The following ROBO2 variants were observed in gnomAD, a reference collection of about 807,000 sequenced individuals.
ROBO2 encodes the protein roundabout homolog 2.
In ROBO2, 53 loss-of-function variants were observed where a neutral mutation model predicts 160.8. The ratio of observed to expected loss-of-function variants is 0.33; its 90% CI spans 0.26 to 0.41. The LOEUF (loss-of-function observed/expected upper bound fraction) is 0.41. ROBO2 is among the 10% of genes least tolerant of loss of function. ROBO2 has a pLI of 1.00. For missense variants in ROBO2, 1,577 were observed against 1,722.4 expected, an observed-to-expected ratio of 0.92 and a Z score of 1.49; for synonymous variants, 664 against 611.7, an observed-to-expected ratio of 1.09 and a Z score of -1.26.
chr3:77,609,467 G>C (rs2094584181), intron 21 of ROBO2, among the ~76,000 whole-genome samples: 1 of 152,036 alleles, frequency 6.6e-6, no homozygotes, highest in Non-Finnish European at 1.5e-5. Context: ...GGAAGAGAAA[G>C]TAGTGCTGTT....
intron 13 of ROBO2, among the ~76,000 whole-genome samples, chr3:77,571,421 T>C (rs1220273470): frequency 1.3e-5 from 2 of 152,088 alleles, no homozygotes; most frequent in Non-Finnish European, 2.9e-5. Flanking sequence ...TGTGCATCTC[T>C]AAAGCCAGCA....
intron 2 of ROBO2, among the ~76,000 whole-genome samples, chr3:76,227,675 T>A (rs1053912155): frequency 2.0e-5 from 3 of 152,178 alleles, no homozygotes; most frequent in Non-Finnish European, 4.4e-5. Flanking sequence ...ATAAAAAGAA[T>A]CTCTACTACT....
chr3:76,757,238 C>A (rs1457056406), intron 2 of ROBO2, among the ~76,000 whole-genome samples: 1 of 151,778 alleles, frequency 6.6e-6, no homozygotes, highest in Non-Finnish European at 1.5e-5. Flanking sequence ...GTCAGGACTA[C>A]ATCTTAGGTC....
At chr3:77,296,176 A>T (rs1036126304) in intron 2 of ROBO2, among the ~76,000 whole-genome samples, 1 of 151,684 alleles carries the variant, frequency 6.6e-6, no homozygotes, top group African/African-American at 2.4e-5. Context: ...AGCTGAGGCT[A>T]GATCACCCCA....
chr3:76,616,285 C>A (rs574741145), intron 2 of ROBO2, among the ~76,000 whole-genome samples: 70 of 152,166 alleles, frequency 4.6e-4, no homozygotes, highest in African/African-American at 1.7e-3. Context: ...TACTTAATAC[C>A]TAGATCTTGG....
chr3:76,371,059 A>G (rs566040776), intron 2 of ROBO2, among the ~76,000 whole-genome samples: 28 of 152,004 alleles, frequency 1.8e-4, no homozygotes, highest in African/African-American at 6.7e-4. Context: ...TGCATCCTGG[A>G]CATTTTCTGG....
At chr3:76,035,430 G>T (rs908510033) in intron 2 of ROBO2, among the ~76,000 whole-genome samples, 1 of 151,662 alleles carries the variant, frequency 6.6e-6, no homozygotes, top group Non-Finnish European at 1.5e-5. Flanking sequence ...TTGTTTGTTT[G>T]TTTTTTTAAT....
At chr3:77,617,534 C>T (rs778899483) in exon 22 of ROBO2, 4 of 1,614,074 alleles carry the variant, frequency 2.5e-6, no homozygotes, top group Non-Finnish European at 2.5e-6. Flanking sequence ...ATAGCTGGTG[C>T]CCACCATTGC....
chr3:75,976,662 G>T (rs140587524), intron 2 of ROBO2, among the ~76,000 whole-genome samples: 18 of 151,474 alleles, frequency 1.2e-4, no homozygotes, highest in African/African-American at 2.2e-4. Flanking sequence ...CACAAAGAAA[G>T]AATGGGTATT....
At chr3:76,294,652 G>A (rs1352017556) in intron 2 of ROBO2, among the ~76,000 whole-genome samples, 2 of 152,168 alleles carry the variant, frequency 1.3e-5, no homozygotes, top group African/African-American at 2.4e-5. Context: ...CAATAGTAGA[G>A]ACAGGAACTG....
chr3:77,276,501 G>T (rs1290527292), intron 2 of ROBO2, among the ~76,000 whole-genome samples: 1 of 152,160 alleles, frequency 6.6e-6, no homozygotes, highest in South Asian at 2.1e-4. Context: ...GTATTAGATT[G>T]TCCACTCTAG....
At chr3:77,609,092 A>G (rs1483105351) in intron 21 of ROBO2, among the ~76,000 whole-genome samples, 1 of 151,762 alleles carries the variant, frequency 6.6e-6, no homozygotes, top group Non-Finnish European at 1.5e-5. Flanking sequence ...TATGCATTAT[A>G]TATGTATACA....
At chr3:76,503,730 G>A (rs1212083316) in intron 2 of ROBO2, among the ~76,000 whole-genome samples, 1 of 152,140 alleles carries the variant, frequency 6.6e-6, no homozygotes. Flanking sequence ...TCACTTACAT[G>A]TAGAATATTA....
At chr3:77,032,081 C>T (rs1578386188) in intron 2 of ROBO2, among the ~76,000 whole-genome samples, 1 of 152,176 alleles carries the variant, frequency 6.6e-6, no homozygotes, top group Non-Finnish European at 1.5e-5. Context: ...CACCGAATTA[C>T]CTCCCAAAGG....
intron 2 of ROBO2, among the ~76,000 whole-genome samples, chr3:77,371,228 A>G (rs184608989): frequency 4.5e-4 from 68 of 152,342 alleles, no homozygotes; most frequent in African/African-American, 1.6e-3. Flanking sequence ...CATTCACAAA[A>G]GTCATCTCAA....
intron 2 of ROBO2, among the ~76,000 whole-genome samples, chr3:76,468,936 C>G (rs541826590): frequency 6.6e-6 from 1 of 152,192 alleles, no homozygotes; most frequent in Non-Finnish European, 1.5e-5. Flanking sequence ...CTTCACGTCT[C>G]TCTTTTATTT....
At chr3:76,754,968 A>G (rs1323582409) in intron 2 of ROBO2, among the ~76,000 whole-genome samples, 1 of 151,922 alleles carries the variant, frequency 6.6e-6, no homozygotes, top group Non-Finnish European at 1.5e-5. Context: ...CTATTTAGGT[A>G]TTCACATTAG....
intron 2 of ROBO2, among the ~76,000 whole-genome samples, chr3:76,992,383 TAA>T (rs551383639): frequency 3.7e-5 from 5 of 135,050 alleles, no homozygotes; most frequent in Non-Finnish European, 8.0e-5. Context: ...TTAGCTTTTG[TAA>T]AAAAAAAGTA....
chr3:77,574,695 A>G (rs765772620), exon 14 of ROBO2: 2 of 1,613,196 alleles, frequency 1.2e-6, no homozygotes, highest in Admixed American at 3.3e-5. Flanking sequence ...CAAGGAATGG[A>G]TAGTGAATCT....
Sources: gnomAD v4.1 joint callset for allele counts (sites outside exome capture counted in the v4.1 genomes callset) on GRCh38, gnomAD v4.1.1 for gene constraint, MANE v1.5 for transcripts, NCBI Gene and HGNC (gene_info 2026-07-23, HGNC 2026-07-21) for gene names.